The following MGRN1 variants were observed in gnomAD, a reference collection of about 807,000 sequenced individuals.
MGRN1 encodes E3 ubiquitin-protein ligase MGRN1.
In MGRN1, 29 loss-of-function variants were observed where a neutral mutation model predicts 69.2. That is an observed-to-expected ratio of 0.42 (90% CI 0.31 to 0.57). MGRN1 has a LOEUF of 0.57. Ranked by LOEUF, MGRN1 falls within the 20% of genes least tolerant of loss-of-function variation. The pLI, the probability that MGRN1 is intolerant of heterozygous loss-of-function variation, is 0.15. For synonymous variants in MGRN1, 470 were observed against 344.2 expected (o/e 1.37, Z -4.04); for missense variants, 998 against 796.2 (o/e 1.25, Z -3.05).
intron 1 of MGRN1, among the ~76,000 whole-genome samples, chr16:4,642,256 G>A (rs1189634797): frequency 2.6e-5 from 4 of 151,546 alleles, no homozygotes; most frequent in Admixed American, 6.6e-5. Context: ...TCAGCCTCCC[G>A]AGTAGTGGGG....
chr16:4,681,898 C>T (rs984919803), intron 13 of MGRN1, 122 bp downstream of exon 13: 4 of 989,210 alleles, frequency 4.0e-6, no homozygotes, highest in South Asian at 3.4e-5. Flanking sequence ...CAGAAGGACT[C>T]GGAGACCCCG....
At chr16:4,688,257 A>C (rs2079378522) in intron 16 of MGRN1, 1 of 985,692 alleles carries the variant, frequency 1.0e-6, no homozygotes, top group Non-Finnish European at 1.2e-6. Context: ...ATCTGGGGAC[A>C]GCGCCCGGCG....
chr16:4,673,644 C>T lies in MGRN1; in HGVS notation c.942C>T (p.Pro314=), dbSNP rs2078989843. ...TGCGCTACCAGGCCAACAACTGCCC[C>T]ATCTGCCGGCTGCGTGAGTTCCCCG... ...DTLRYQANNC[P]ICRLPFRALL... is the part of the protein sequence containing the mutation. The change falls in exon 10 of 17, where the codon CCC becomes CCT. Residue 314 remains proline, a synonymous_variant. Coordinates refer to ENST00000262370, the MANE Select transcript of MGRN1 (RefSeq NM_015246.4). 1.2e-6 allele frequency: 2 copies of T among 1,613,054 alleles called. No homozygotes were observed. The highest frequency in any genetic ancestry group is 3.3e-5 in the Admixed American group (2 of 59,984).
chr16:4,628,685 C>T (rs1441583458), intron 1 of MGRN1, among the ~76,000 whole-genome samples: 1 of 152,116 alleles, frequency 6.6e-6, no homozygotes, highest in East Asian at 1.9e-4. Flanking sequence ...GCTTGGATTA[C>T]AGGTGCGCAC....
intron 11 of MGRN1, among the ~76,000 whole-genome samples, chr16:4,678,148 G>A (rs1344768698): frequency 6.6e-6 from 1 of 152,160 alleles, no homozygotes; most frequent in African/African-American, 2.4e-5. Context: ...CCTCCACCCC[G>A]TGGTTCTTAG....
In MGRN1 at chr16:4,680,098, G is replaced by A; in HGVS notation, c.1131+1G>A. The A allele has an allele frequency of 6.2e-7, 1 of 1,613,870 alleles. No individual in the cohort carries two copies. On this transcript the variant is annotated splice_donor_variant, in intron 12 of 16. Coordinates refer to ENST00000262370, the MANE Select transcript of MGRN1 (RefSeq NM_015246.4). LOFTEE classifies it high-confidence loss of function. ...CAGCAAGAAACCTAAAAGGGAAACA[G>A]TAAGTGTCTGGTCCTCCGGCTACGT...
Position 4,673,490 on chromosome 16 carries a change from C to T in MGRN1, c.796-8C>T, listed in dbSNP as rs551267340. The T allele has an allele frequency of 1.2e-6, 2 of 1,610,842 alleles. No individual in the cohort carries two copies. Among genetic ancestry groups the T allele is most frequent in the South Asian group, 1.1e-5 (1 of 90,986 alleles). ...AGGCTGCTGACCCACAAGCCCTTGT[C>T]CCGGCAGCCCTCGGACGACGAGAAC... On this transcript the variant is annotated splice_region_variant and splice_polypyrimidine_tract_variant and intron_variant, in intron 9 of 16. Transcript: ENST00000262370.
intron 16 of MGRN1, chr16:4,686,481 C>T (rs2079321610): frequency 1.4e-6 from 2 of 1,388,132 alleles, no homozygotes; most frequent in South Asian, 1.7e-5. Flanking sequence ...GCACCTTCCC[C>T]CAGAAAGTGG....
chr16:4,637,213 T>G (rs1228673624), intron 1 of MGRN1, among the ~76,000 whole-genome samples: 1 of 149,482 alleles, frequency 6.7e-6, no homozygotes, highest in Non-Finnish European at 1.5e-5. Context: ...GCAGATCACC[T>G]CAGGTCAGGA....
At chr16:4,663,981 T>TCG (rs1269801410) in intron 5 of MGRN1, 2 of 152,314 alleles carry the variant, frequency 1.3e-5, no homozygotes, top group Non-Finnish European at 2.9e-5. Context: ...GGTGCCTTCT[T>TCG]CAGAAAGTTA....
chr16:4,685,969 A>T (rs1412600408), intron 16 of MGRN1, among the ~76,000 whole-genome samples: 1 of 152,152 alleles, frequency 6.6e-6, no homozygotes, highest in Non-Finnish European at 1.5e-5. Flanking sequence ...TTCACTCCTG[A>T]AACCAGAGGT....
In MGRN1 at chr16:4,689,024, C is replaced by T; in HGVS notation, c.*116C>T. 2 of 1,352,104 alleles carry T rather than the reference C, an allele frequency of 1.5e-6. No individual in the cohort carries two copies. The highest frequency in any genetic ancestry group is 1.5e-5 in the South Asian group (1 of 65,900). 83.8% of individuals were successfully genotyped at this position (1,352,104 alleles called of 1,614,324 possible). On this transcript the variant is annotated 3_prime_UTR_variant, in exon 17 of 17. Transcript: ENST00000262370. Reference sequence around the variant, plus strand: ...CTGCATGCCCCCTGTGGCCACCAGGCTCCGAGGGGCCGTGGTGACTCTTGA... The same window carrying T: ...CTGCATGCCCCCTGTGGCCACCAGGTTCCGAGGGGCCGTGGTGACTCTTGA...
At chr16:4,687,182 G>A (rs2079342615) in intron 16 of MGRN1, 3 of 978,906 alleles carry the variant, frequency 3.1e-6, no homozygotes, top group South Asian at 4.8e-5. Context: ...AAAGATAGGA[G>A]GCCCTGTGAG....
chr16:4,683,568 A>T (rs1035702459), intron 15 of MGRN1, among the ~76,000 whole-genome samples: 5 of 147,152 alleles, frequency 3.4e-5, no homozygotes, highest in Non-Finnish European at 7.5e-5. Context: ...AAAAAAAAAA[A>T]GCCCTATGCT....
intron 4 of MGRN1, among the ~76,000 whole-genome samples, chr16:4,655,751 A>G (rs949835081): frequency 6.6e-6 from 1 of 152,174 alleles, no homozygotes; most frequent in Admixed American, 6.5e-5. Flanking sequence ...GGCTGTGCCC[A>G]GGCACCCGGA....
chr16:4,679,399 C>T (rs1305112037), intron 11 of MGRN1, among the ~76,000 whole-genome samples: 1 of 152,168 alleles, frequency 6.6e-6, no homozygotes, highest in Non-Finnish European at 1.5e-5. Flanking sequence ...GAAGGGCTGG[C>T]ACCCAGCCAG....
intron 16 of MGRN1, chr16:4,688,360 G>C: frequency 2.0e-6 from 2 of 995,840 alleles, no homozygotes; most frequent in Non-Finnish European, 2.4e-6. Context: ...TCTGAGCACG[G>C]GCTTGTTCTC....
chr16:4,672,493 C>T (rs1256449089), intron 9 of MGRN1: 1 of 456,608 alleles, frequency 2.2e-6, no homozygotes, highest in Admixed American at 2.3e-5. Flanking sequence ...AGCACCTGGC[C>T]GGGCCTCGCC....
chr16:4,639,427 G>A (rs1316205189), intron 1 of MGRN1, among the ~76,000 whole-genome samples: 1 of 152,218 alleles, frequency 6.6e-6, no homozygotes, highest in African/African-American at 2.4e-5. Context: ...GCAGAGCGGG[G>A]AGCTTGGCCA....
Sources: gnomAD v4.1 joint callset for allele counts (sites outside exome capture counted in the v4.1 genomes callset) on GRCh38, gnomAD v4.1.1 for gene constraint, MANE v1.5 for transcripts, NCBI Gene and HGNC (gene_info 2026-07-23, HGNC 2026-07-21) for gene names.